The following MICOS10 variants were observed in gnomAD, a reference collection of about 807,000 sequenced individuals.
MICOS10 encodes mitochondrial contact site and cristae organizing system subunit 10.
Under a neutral mutation model 13.4 loss-of-function variants are expected in MICOS10, and 5 were observed. The ratio of observed to expected loss-of-function variants is 0.37; its 90% CI spans 0.20 to 0.78. MICOS10 has a LOEUF of 0.78. Among genes scored for constraint, MICOS10 ranks in the 30% least tolerant of loss-of-function variants. MICOS10 has a pLI of 0.47. For synonymous variants in MICOS10, 35 were observed against 33.6 expected (o/e 1.04, Z -0.15); for missense variants, 101 against 94.6 (o/e 1.07, Z -0.28).
At chr1:19,608,829 A>G (rs1456505331) in intron 1 of MICOS10, among the ~76,000 whole-genome samples, 2 of 152,020 alleles carry the variant, frequency 1.3e-5, no homozygotes, top group African/African-American at 4.8e-5. Flanking sequence ...CACATATCTG[A>G]TAAAGGGCTT....
chr1:19,622,920 CTT>C (rs373297142), intron 2 of MICOS10, among the ~76,000 whole-genome samples: 17,551 of 131,354 alleles, frequency 0.13, 1,034 homozygotes, highest in African/African-American at 0.22. Context: ...TATTTTACTA[CTT>C]TTTTTTTTTT....
At chr1:19,611,128 T>G (rs1054911204) in intron 1 of MICOS10, among the ~76,000 whole-genome samples, 2 of 151,988 alleles carry the variant, frequency 1.3e-5, no homozygotes, top group Non-Finnish European at 2.9e-5. Context: ...CTTTTTGTAT[T>G]TTTAGTAGAG....
chr1:19,612,954 A>G (rs769329965), intron 1 of MICOS10, among the ~76,000 whole-genome samples: 3 of 152,126 alleles, frequency 2.0e-5, no homozygotes, highest in Non-Finnish European at 4.4e-5. Context: ...ACTCTTTCCT[A>G]CGGATCCCTG....
At chr1:19,616,802 A>G (rs1188283061) in intron 1 of MICOS10, among the ~76,000 whole-genome samples, 4 of 152,216 alleles carry the variant, frequency 2.6e-5, no homozygotes, top group Non-Finnish European at 5.9e-5. Context: ...AGGTTTCATC[A>G]TAATATGAGG....
In MICOS10 at chr1:19,597,121, T is replaced by G. The variant is rs750655286; in HGVS notation, c.64+12T>G. 1 of 1,599,110 alleles carries G rather than the reference T, an allele frequency of 6.3e-7. No individual in the cohort carries two copies. On this transcript the variant is annotated intron_variant, in intron 1 of 3. Coordinates refer to ENST00000322753, the MANE Select transcript of MICOS10 (RefSeq NM_001032363.4). ...GGTCGTGAAGATAGGTAAGGGGCTT[T>G]TCGCCCCAGCAGGCCCGGCCGGTGC...
chr1:19,611,438 T>G (rs535767443), intron 1 of MICOS10, among the ~76,000 whole-genome samples: 1 of 151,572 alleles, frequency 6.6e-6, no homozygotes, highest in South Asian at 2.1e-4. Flanking sequence ...TATGAAGAAC[T>G]TATCTTTCTC....
chr1:19,624,717 G>T (rs2094916375), intron 3 of MICOS10, among the ~76,000 whole-genome samples: 2 of 152,220 alleles, frequency 1.3e-5, no homozygotes, highest in South Asian at 4.1e-4. Context: ...ATTAGTTACT[G>T]TGGGGTTTAA....
At chr1:19,602,780 C>G (rs1426208566) in intron 1 of MICOS10, among the ~76,000 whole-genome samples, 5 of 152,092 alleles carry the variant, frequency 3.3e-5, no homozygotes, top group Non-Finnish European at 7.3e-5. Flanking sequence ...TACCCATGAG[C>G]ATGAATAAGT....
intron 1 of MICOS10, among the ~76,000 whole-genome samples, chr1:19,600,019 A>G (rs151334707): frequency 6.6e-5 from 10 of 152,234 alleles, no homozygotes; most frequent in African/African-American, 2.4e-4. Context: ...GCAAATAGAG[A>G]AGCATAAGAC....
At chr1:19,623,729 A>T (rs991531178) in intron 3 of MICOS10, 146 bp downstream of exon 3, 5 of 607,812 alleles carry the variant, frequency 8.2e-6, no homozygotes, top group Non-Finnish European at 8.7e-6. Context: ...TTTGGCCTTC[A>T]GTGATGTCAT....
Position 19,610,331 on chromosome 1 carries a change from C to G in MICOS10, c.65-11769C>G, listed in dbSNP as rs186554014. Among the ~76,000 whole-genome samples the G allele has an allele frequency of 3.0e-5, 4 of 131,654 alleles. No individual in the cohort carries two copies. The Admixed American group carries it at 3.4e-4, about 11-fold the overall frequency. The allele number at this position is 131,654 out of a possible 152,430, so 86.4% of individuals were successfully genotyped here. ...TAAATGAGGAGGTGGTCTAAGAAGA[C>G]AGCAAATCAAAGTCACCCCACCCCC... On this transcript the variant is annotated intron_variant, in intron 1 of 3. Transcript: ENST00000322753.
chr1:19,620,410 C>G (rs1412162156), intron 1 of MICOS10, among the ~76,000 whole-genome samples: 1 of 152,156 alleles, frequency 6.6e-6, no homozygotes, highest in African/African-American at 2.4e-5. Flanking sequence ...TTTTAAGTAA[C>G]TGAGATAGCT....
At position 19,608,146 on chromosome 1, in the gene MICOS10, A is replaced by G. The variant is rs769669127; in HGVS notation, c.64+11037A>G. On this transcript the variant is annotated intron_variant, in intron 1 of 3. Coordinates refer to ENST00000322753, the MANE Select transcript of MICOS10 (RefSeq NM_001032363.4). ...CTGGAAAGGGGAAGGAAAAGAAGGA[A>G]GAACAGGTCATCAACCTCGGACCTC... is the stretch of plus-strand genomic sequence containing the variant. 4 of 1,204,074 alleles carry G rather than the reference A, an allele frequency of 3.3e-6. No individual in the cohort carries two copies. In the Admixed American group the frequency reaches 5.0e-5, roughly 15 times the overall value. 74.6% of individuals were successfully genotyped at this position (1,204,074 alleles called of 1,614,324 possible).
At chr1:19,616,226 G>T (rs2100304014) in intron 1 of MICOS10, among the ~76,000 whole-genome samples, 1 of 152,164 alleles carries the variant, frequency 6.6e-6, no homozygotes, top group African/African-American at 2.4e-5. Context: ...ACTTTCCATT[G>T]AATTTTTTAT....
intron 1 of MICOS10, among the ~76,000 whole-genome samples, chr1:19,601,995 C>T (rs1438490778): frequency 2.0e-5 from 3 of 152,110 alleles, no homozygotes; most frequent in African/African-American, 7.2e-5. Context: ...TCCTTAGTAA[C>T]CCTGTTAGCA....
At chr1:19,603,964 G>A (rs557905532) in intron 1 of MICOS10, among the ~76,000 whole-genome samples, 1 of 152,158 alleles carries the variant, frequency 6.6e-6, no homozygotes, top group Non-Finnish European at 1.5e-5. Context: ...AAGAAAAAAG[G>A]CAAGCCATGG....
intron 1 of MICOS10, among the ~76,000 whole-genome samples, chr1:19,601,542 A>G (rs1444861838): frequency 6.7e-6 from 1 of 150,274 alleles, no homozygotes; most frequent in African/African-American, 2.5e-5. Context: ...GCACCACTGC[A>G]CTCCAGCCCA....
At chr1:19,615,969 G>A (rs1027802927) in intron 1 of MICOS10, among the ~76,000 whole-genome samples, 1 of 151,788 alleles carries the variant, frequency 6.6e-6, no homozygotes, top group Non-Finnish European at 1.5e-5. Flanking sequence ...CCAGGCTGGA[G>A]TGCAGTTGGC....
At chr1:19,608,526 A>G (rs2094845011) in intron 1 of MICOS10, 2 of 1,040,778 alleles carry the variant, frequency 1.9e-6, no homozygotes, top group Non-Finnish European at 3.0e-6. Context: ...ATCCCCTCTG[A>G]CAGCACTCTC....
Sources: allele counts gnomAD v4.1 joint callset (sites outside exome capture counted in the v4.1 genomes callset), GRCh38; gene constraint gnomAD v4.1.1; transcripts MANE v1.5; gene names NCBI Gene and HGNC (gene_info 2026-07-23, HGNC 2026-07-21).